PLEKHG4B: variants seen among roughly 807,000 people sequenced by gnomAD.
PLEKHG4B encodes pleckstrin homology and RhoGEF domain containing G4B, also known as pleckstrin homology domain-containing family G member 4B.
A neutral mutation model predicts 121.3 loss-of-function variants in PLEKHG4B; 111 were observed. The observed-to-expected ratio is 0.92, with a 90% CI of 0.78 to 1.07. PLEKHG4B has a LOEUF of 1.07. PLEKHG4B is among the 50% of genes least tolerant of loss of function. The pLI is 0.00. For synonymous variants in PLEKHG4B, 738 were observed against 725.0 expected (o/e 1.02, Z -0.29); for missense variants, 1,831 against 1,757.8 (o/e 1.04, Z -0.74).
chr5:142,067 C>T (rs372661742), intron 3 of PLEKHG4B, among the ~76,000 whole-genome samples: 4 of 152,176 alleles, frequency 2.6e-5, no homozygotes, highest in South Asian at 2.1e-4. Context: ...TGACAGGTCC[C>T]GGAGAGTGCC....
chr5:138,493 A>G (rs948145289), intron 2 of PLEKHG4B, among the ~76,000 whole-genome samples: 16 of 152,178 alleles, frequency 1.1e-4, no homozygotes, highest in African/African-American at 3.9e-4. Context: ...ACCTTTCCCC[A>G]TCTGCATGTG....
chr5:113,349 C>T lies in PLEKHG4B; in HGVS notation c.144C>T (p.Ser48=), dbSNP rs1003459364. 2.3e-5 allele frequency: 9 copies of T among 399,042 alleles called. No homozygotes were observed. The highest frequency in any genetic ancestry group is 7.1e-5 in the East Asian group (2 of 28,086). The allele number at this position is 399,042 out of a possible 1,614,324, so 24.7% of individuals were successfully genotyped here. A position where few individuals can be genotyped will look rare whatever the true frequency, so the allele number is the denominator to read the frequency against. ...CCACGGTGCTCTGGCAGCTGTTCAG[C>T]GTGGCCGAGAGGTGCCACGGTGGGG... is the stretch of plus-strand genomic sequence containing the variant. ...TAATVLWQLF[S]VAERCHGGDG... is the part of the protein sequence containing the mutation. The change falls in exon 2 of 20, where the codon AGC becomes AGT. Residue 48 remains serine (S), a synonymous_variant. Coordinates refer to ENST00000637938, the MANE Select transcript of PLEKHG4B (RefSeq NM_052909.5). The surrounding 1 kb of genome is among the most constrained non-coding windows in gnomAD (Gnocchi z 5.2).
Position 143,039 on chromosome 5 carries a change from T to C in PLEKHG4B, c.1478-8T>C. On this transcript the variant is annotated splice_polypyrimidine_tract_variant and splice_region_variant and intron_variant, in intron 3 of 19. Coordinates refer to ENST00000637938, the MANE Select transcript of PLEKHG4B (RefSeq NM_052909.5). ...TCATCTTTGACACGGCCTCTTTCCT[T>C]TGTCCAGACGTTCTTGCATCCTCAG... is the stretch of plus-strand genomic sequence containing the variant. The C allele has an allele frequency of 6.2e-7, 1 of 1,612,494 alleles. No individual in the cohort carries two copies. Among genetic ancestry groups the C allele is most frequent in the Non-Finnish European group, 8.5e-7 (1 of 1,179,222 alleles).
At chr5:124,493 C>T (rs538751408) in intron 2 of PLEKHG4B, among the ~76,000 whole-genome samples, 1 of 152,166 alleles carries the variant, frequency 6.6e-6, no homozygotes, top group Non-Finnish European at 1.5e-5. Flanking sequence ...ATTGAAGTCT[C>T]CAACAATTAT....
intron 18 of PLEKHG4B, among the ~76,000 whole-genome samples, chr5:177,715 C>T (rs115710019): frequency 0.012 from 1,800 of 152,350 alleles, 32 homozygotes; most frequent in African/African-American, 0.037. Context: ...GCACCGAGAT[C>T]GAGTGCCCCA....
At chr5:173,809 G>T (rs1317930495) in intron 17 of PLEKHG4B, 109 bp from the exon 18 acceptor site, 1 of 1,286,940 alleles carries the variant, frequency 7.8e-7, no homozygotes, top group Non-Finnish European at 1.1e-6. Context: ...CCACACATTT[G>T]TCATTTGGTG....
chr5:163,465 C>T lies in PLEKHG4B; in HGVS notation c.3393C>T (p.Ser1131=), dbSNP rs1475289112. 11 of 1,612,618 alleles carry T rather than the reference C, an allele frequency of 6.8e-6. No homozygotes were observed. Among genetic ancestry groups the T allele is most frequent in the Non-Finnish European group, 8.5e-6 (10 of 1,179,982 alleles). The change falls in exon 13 of 20, where the codon AGC becomes AGT. Residue 1131 remains serine, a synonymous_variant. Coordinates refer to ENST00000637938, the MANE Select transcript of PLEKHG4B (RefSeq NM_052909.5). ...KKLPLWQHAR[S]PPVTQSRSLS... is the part of the protein sequence containing the mutation. ...TCCCGCTGTGGCAGCATGCCAGGAGCCCCCCGGTCACTCAGAGCCGGAGTC... is the reference window on the plus strand; with the variant it reads ...TCCCGCTGTGGCAGCATGCCAGGAGTCCCCCGGTCACTCAGAGCCGGAGTC...
chr5:111,193 G>A (rs2126354047), intron 1 of PLEKHG4B, among the ~76,000 whole-genome samples: 1 of 152,402 alleles, frequency 6.6e-6, no homozygotes, highest in Admixed American at 6.5e-5. Context: ...CAGGACTCAG[G>A]AGCATTCGAA....
rs146958613 is a variant in PLEKHG4B at position 144,828 on chromosome 5, A to G, written c.1813A>G (p.Lys605Glu). 59 of 1,612,710 alleles carry G rather than the reference A, an allele frequency of 3.7e-5. No individual in the cohort carries two copies. Among genetic ancestry groups the G allele is most frequent in the Non-Finnish European group, 4.7e-5 (55 of 1,179,490 alleles). ...GATGGGCTGTCTTTCCCTCCCCAGG[A>G]AAGAGGTCCGGGACCTGGGGCTGGT... ...LLLYFHSIPR[K>E]EVRDLGLVVL... The change falls in exon 6 of 20, where the codon AAA (lysine) becomes GAA (glutamate). Residue 605 changes from lysine to glutamate, a missense_variant and splice_region_variant. Physicochemically the swap from Lys to Glu is moderately conservative, Grantham distance 56. Coordinates refer to ENST00000637938, the MANE Select transcript of PLEKHG4B (RefSeq NM_052909.5).
intron 2 of PLEKHG4B, among the ~76,000 whole-genome samples, chr5:133,941 C>CACACACACACACACACATATAT (rs34900477): frequency 2.7e-5 from 4 of 146,354 alleles, no homozygotes; most frequent in African/African-American, 1.0e-4. Context: ...CACACACACA[C>CACACACACACACACACATATAT]ATATATATAT....
chr5:165,000 G>A (rs191085370), intron 13 of PLEKHG4B, among the ~76,000 whole-genome samples: 2 of 64,826 alleles, frequency 3.1e-5, no homozygotes, highest in South Asian at 5.6e-4. Flanking sequence ...GCTCTGACGG[G>A]GCAGGGCTCA....
intron 13 of PLEKHG4B, among the ~76,000 whole-genome samples, chr5:164,306 C>A (rs906084199): frequency 1.3e-5 from 2 of 152,220 alleles, no homozygotes; most frequent in Admixed American, 1.3e-4. Flanking sequence ...ATAAGGAGCA[C>A]GAAACCTAGA....
intron 2 of PLEKHG4B, among the ~76,000 whole-genome samples, chr5:115,580 G>A (rs3961032): frequency 0.19 from 28,489 of 152,136 alleles, 3,768 homozygotes; most frequent in African/African-American, 0.37. Context: ...TTTTGTCTAC[G>A]TTGAAAATCT....
intron 6 of PLEKHG4B, among the ~76,000 whole-genome samples, chr5:149,697 T>A (rs1735541272): frequency 6.6e-6 from 1 of 152,156 alleles, no homozygotes; most frequent in Admixed American, 6.5e-5. Context: ...AACTGCCCAA[T>A]TCAAAAATGA....
rs368502366 is a variant in PLEKHG4B at position 161,918 on chromosome 5, A to G, written c.2623A>G (p.Thr875Ala). The change falls in exon 12 of 20, where the codon ACC becomes GCC. Residue 875 changes from threonine to alanine, a missense_variant. Thr to Ala is a moderately conservative substitution (Grantham distance 58). Coordinates refer to ENST00000637938, the MANE Select transcript of PLEKHG4B (RefSeq NM_052909.5). ...ECREGELARW[T>A]RSSELCETVS... The stretch of plus-strand genomic sequence containing the variant: ...CAGGGAGGGAGAGCTGGCCAGGTGG[A>G]CCCGCTCGTCCGAGTTGTGCGAGAC... 1.7e-5 allele frequency: 27 copies of G among 1,612,596 alleles called. No individual in the cohort carries two copies. The highest frequency in any genetic ancestry group is 4.0e-5 in the African/African-American group (3 of 74,912).
chr5:103,573 T>G (rs1162218559), intron 1 of PLEKHG4B, among the ~76,000 whole-genome samples: 1 of 152,216 alleles, frequency 6.6e-6, no homozygotes, highest in African/African-American at 2.4e-5. Flanking sequence ...CCAGATCCTT[T>G]TCTATTCCTT....
intron 18 of PLEKHG4B, among the ~76,000 whole-genome samples, chr5:180,002 G>T (rs1343784074): frequency 2.0e-5 from 3 of 152,080 alleles, no homozygotes; most frequent in Non-Finnish European, 4.4e-5. Context: ...ATTAATCCTG[G>T]TTACCTCCAC....
chr5:135,677 AAAAAAATATATATAT>A (rs1193277821), intron 2 of PLEKHG4B, among the ~76,000 whole-genome samples: 6 of 72,524 alleles, frequency 8.3e-5, no homozygotes, highest in South Asian at 4.5e-4. Flanking sequence ...AAAAAAAAAA[AAAAAAATATATATAT>A]ATATATATAT....
At chr5:178,271 T>G (rs549744712) in intron 18 of PLEKHG4B, among the ~76,000 whole-genome samples, 1 of 152,244 alleles carries the variant, frequency 6.6e-6, no homozygotes, top group Admixed American at 6.5e-5. Context: ...GGTGCCACTT[T>G]TAGAGAGACA....
Sources: gnomAD v4.1 joint callset for allele counts (sites outside exome capture counted in the v4.1 genomes callset) on GRCh38, gnomAD v4.1.1 for gene constraint, Gnocchi (gnomAD v3.1) non-coding constraint, MANE v1.5 for transcripts, NCBI Gene and HGNC (gene_info 2026-07-23, HGNC 2026-07-21) for gene names.